The following RPS6KA2 variants were observed in gnomAD, a reference collection of about 807,000 sequenced individuals.
The protein encoded by RPS6KA2 is ribosomal protein S6 kinase A2.
RPS6KA2 carries 42 observed loss-of-function variants against 91.8 expected under a neutral mutation model. The observed-to-expected ratio is 0.46, with a 90% confidence interval of 0.36 to 0.59. RPS6KA2 has a LOEUF of 0.59. RPS6KA2 is among the 20% of genes least tolerant of loss of function. The probability of loss-of-function intolerance (pLI) is 0.00; values close to 1 mark genes in which losing one functional copy is unlikely to be tolerated. For synonymous variants in RPS6KA2, 414 were observed against 393.6 expected (o/e 1.05, Z -0.61); for missense variants, 798 against 978.5 (o/e 0.82, Z 2.46).
intron 14 of RPS6KA2, among the ~76,000 whole-genome samples, chr6:166,444,716 C>A (rs187709633): frequency 6.6e-6 from 1 of 152,116 alleles, no homozygotes; most frequent in Non-Finnish European, 1.5e-5. Context: ...TGTTGTTTGC[C>A]GAAGTCGAGA....
rs1451824025 is a variant in RPS6KA2 at position 166,480,507 on chromosome 6, AT to A, written c.907+8325del. On this transcript the variant is annotated intron_variant, in intron 10 of 20. Transcript: ENST00000265678. ...TATATATATATATATATATATATAT[AT>A]ATATATAATATATTTTTTTTTTTTG... 1.2e-3 allele frequency among the ~76,000 whole-genome samples: 125 copies of A among 100,542 alleles called. 2 individuals carry two copies. Among genetic ancestry groups the A allele is most frequent in the African/African-American group, 4.2e-3 (113 of 26,638 alleles). The allele number at this position is 100,542 out of a possible 152,430, so 66.0% of individuals were successfully genotyped here. A position where few individuals can be genotyped will look rare whatever the true frequency, so the allele number is the denominator to read the frequency against.
chr6:166,694,408 T>C (rs1789299381), intron 2 of RPS6KA2, among the ~76,000 whole-genome samples: 1 of 152,252 alleles, frequency 6.6e-6, no homozygotes, highest in Non-Finnish European at 1.5e-5. Flanking sequence ...TTCACGGTCT[T>C]CCAATACAAT....
chr6:166,497,084 A>G (rs896839718), intron 8 of RPS6KA2, among the ~76,000 whole-genome samples: 3 of 152,226 alleles, frequency 2.0e-5, no homozygotes, highest in Non-Finnish European at 4.4e-5. Context: ...TCACTGACCT[A>G]TCTAAAGAAA....
chr6:166,591,545 A>G (rs1785353951), intron 1 of RPS6KA2, among the ~76,000 whole-genome samples: 1 of 152,102 alleles, frequency 6.6e-6, no homozygotes. Context: ...TGACTTCTAA[A>G]AAGGCCACTG....
intron 2 of RPS6KA2, among the ~76,000 whole-genome samples, chr6:166,536,287 G>T (rs1370416295): frequency 1.3e-5 from 2 of 152,236 alleles, no homozygotes; most frequent in Non-Finnish European, 2.9e-5. Flanking sequence ...AAGAACAGGT[G>T]CTTTCTGCAG....
chr6:166,625,333 C>A (rs6916039), intron 1 of RPS6KA2, among the ~76,000 whole-genome samples: 6 of 41,352 alleles, frequency 1.5e-4, no homozygotes, highest in African/African-American at 4.3e-4. Context: ...ACCCCCCCAC[C>A]CCCCCCCCCG....
intron 3 of RPS6KA2, among the ~76,000 whole-genome samples, chr6:166,514,047 A>G (rs982478485): frequency 1.3e-5 from 2 of 152,152 alleles, no homozygotes; most frequent in Non-Finnish European, 2.9e-5. Flanking sequence ...ATGTAGGTGA[A>G]CTGGAAAATA....
Position 166,423,970 on chromosome 6 carries a change from G to A in RPS6KA2, c.1582-553C>T, listed in dbSNP as rs117093494. The A allele has an allele frequency of 2.4e-3, 359 of 152,680 alleles. 1 individual carries two copies. Among genetic ancestry groups the A allele is most frequent in the South Asian group, 7.4e-3 (36 of 4,838 alleles). The allele number at this position is 152,680 out of a possible 1,614,324, so 9.5% of individuals were successfully genotyped here. ...TCTGAGGCCTCCCATGGAGGACTGC[G>A]CTGGCTGCAATGATGGTGGGGCCAG... is the stretch of plus-strand genomic sequence containing the variant. On this transcript the variant is annotated intron_variant, in intron 16 of 20. Coordinates refer to ENST00000265678, the MANE Select transcript of RPS6KA2 (RefSeq NM_021135.6). This position sits in a 1 kb window ranked among gnomAD's most constrained non-coding sequence, Gnocchi z 4.8.
chr6:166,470,248 TG>T (rs1227788122), intron 10 of RPS6KA2, among the ~76,000 whole-genome samples: 1 of 152,078 alleles, frequency 6.6e-6, no homozygotes, highest in African/African-American at 2.4e-5. Context: ...GAGGTGCCTG[TG>T]AGTGTGAGCA....
rs1285508925 is a variant in RPS6KA2 at position 166,410,614 on chromosome 6, C to G, written c.*2148G>C. ...CGGTCCCTTTGGCATTCTTAGAGTT[C>G]AGAAGCTAAGTCTGTACAAACTGGG... On this transcript the variant is annotated 3_prime_UTR_variant, in exon 21 of 21. Coordinates refer to ENST00000265678, the MANE Select transcript of RPS6KA2 (RefSeq NM_021135.6). 5 of 152,086 alleles carry G rather than the reference C, an allele frequency of 3.3e-5. No homozygotes were observed. Among genetic ancestry groups the G allele is most frequent in the Non-Finnish European group, 7.4e-5 (5 of 68,018 alleles). 9.4% of individuals were successfully genotyped at this position (152,086 alleles called of 1,614,324 possible).
intron 2 of RPS6KA2, among the ~76,000 whole-genome samples, chr6:166,790,913 C>T (rs1779067824): frequency 6.6e-6 from 1 of 152,096 alleles, no homozygotes; most frequent in Admixed American, 6.6e-5. Context: ...AAAAACATGC[C>T]AAAATGTAAA....
At chr6:166,578,922 G>A (rs953604515) in intron 1 of RPS6KA2, among the ~76,000 whole-genome samples, 4 of 152,234 alleles carry the variant, frequency 2.6e-5, no homozygotes, top group African/African-American at 9.6e-5. Flanking sequence ...ATGAGATTCT[G>A]CATTTAAAAC....
In RPS6KA2 at chr6:166,412,719, A is replaced by G; in HGVS notation, c.*43T>C. The G allele has an allele frequency of 1.1e-5, 17 of 1,551,168 alleles. No homozygotes were observed. Among genetic ancestry groups the G allele is most frequent in the Non-Finnish European group, 1.4e-5 (16 of 1,148,804 alleles). On this transcript the variant is annotated 3_prime_UTR_variant, in exon 21 of 21. Transcript: ENST00000265678. The surrounding 1 kb of genome is among the most constrained non-coding windows in gnomAD (Gnocchi z 4.3). ...CTCCGAGGCCGGGGTCTGTGAGCCC[A>G]CGAGGATGCTGGCAGGGGACGCTGG...
chr6:166,660,194 G>A (rs566746810), intron 2 of RPS6KA2, among the ~76,000 whole-genome samples: 1 of 152,274 alleles, frequency 6.6e-6, no homozygotes, highest in South Asian at 2.1e-4. Context: ...GATACATGAT[G>A]CCACTTTTTA....
In RPS6KA2 at chr6:166,507,810, C is replaced by T. The variant is rs559820641; in HGVS notation, c.459+393G>A. On this transcript the variant is annotated intron_variant, in intron 5 of 20. Coordinates refer to ENST00000265678, the MANE Select transcript of RPS6KA2 (RefSeq NM_021135.6). ...CATACCACACACTTATCACATGACA[C>T]ATGCACACCCCACATGCACACACAC... 4.0e-5 allele frequency among the ~76,000 whole-genome samples: 6 copies of T among 151,244 alleles called. No individual in the cohort carries two copies. The South Asian group carries it at 6.3e-4, about 16-fold the overall frequency.
At position 166,603,490 on chromosome 6, in the gene RPS6KA2, T is replaced by A. The variant is rs1415945566; in HGVS notation, c.99+23431A>T. Among the ~76,000 whole-genome samples the A allele has an allele frequency of 1.3e-5, 2 of 152,236 alleles. No homozygotes were observed. Among genetic ancestry groups the A allele is most frequent in the African/African-American group, 2.4e-5 (1 of 41,538 alleles). On this transcript the variant is annotated intron_variant, in intron 1 of 20. Transcript: ENST00000265678. The surrounding 1 kb of genome is among the most constrained non-coding windows in gnomAD (Gnocchi z 4.3). ...ATCTGAAAGGCTTCATTTGGCCTCATAAATGGGATTAGCATGGGGGCAGCT... is the reference window on the plus strand; with the variant it reads ...ATCTGAAAGGCTTCATTTGGCCTCAAAAATGGGATTAGCATGGGGGCAGCT...
intron 16 of RPS6KA2, among the ~76,000 whole-genome samples, chr6:166,428,666 A>G (rs1779011905): frequency 6.6e-6 from 1 of 151,000 alleles, no homozygotes; most frequent in African/African-American, 2.4e-5. Flanking sequence ...ACACTTCTCA[A>G]AAGAAGACAT....
At chr6:166,608,600 A>G (rs1198346407) in intron 1 of RPS6KA2, among the ~76,000 whole-genome samples, 1 of 152,216 alleles carries the variant, frequency 6.6e-6, no homozygotes, top group Non-Finnish European at 1.5e-5. Context: ...TTAAGTCTAA[A>G]AGGCACCAAA....
At chr6:166,645,633 C>T (rs937207575) in intron 2 of RPS6KA2, among the ~76,000 whole-genome samples, 10 of 152,206 alleles carry the variant, frequency 6.6e-5, no homozygotes, top group Non-Finnish European at 8.8e-5. Context: ...GAATGTGCCC[C>T]CCCTTCTCTG....
Sources: gnomAD v4.1 joint callset for allele counts (sites outside exome capture counted in the v4.1 genomes callset) on GRCh38, gnomAD v4.1.1 for gene constraint, Gnocchi (gnomAD v3.1) non-coding constraint, MANE v1.5 for transcripts, NCBI Gene and HGNC (gene_info 2026-07-23, HGNC 2026-07-21) for gene names.